ATM: variants seen among roughly 807,000 people sequenced by gnomAD.
ATM encodes ATM serine/threonine kinase.
A neutral mutation model predicts 387.0 loss-of-function variants in ATM; 308 were observed. The observed-to-expected ratio is 0.80, with a 90% CI of 0.73 to 0.87. The LOEUF is 0.87. Ranked by LOEUF, ATM falls within the 40% of genes least tolerant of loss-of-function variation. ATM has a pLI of 0.00. For missense variants in ATM, 3,312 were observed against 3,560.9 expected (o/e 0.93, Z 1.78); for synonymous variants, 1,156 against 1,187.3 (o/e 0.97, Z 0.54).
At chr11:108,327,297 T>G (rs1336771134) in intron 47 of ATM, 2 of 285,084 alleles carry the variant, frequency 7.0e-6, no homozygotes, top group East Asian at 1.8e-4. Flanking sequence ...GTACCTCAGT[T>G]TTCTAATCTG....
Position 108,326,225 on chromosome 11 carries a change from G to C in ATM, c.6975G>C (p.Ala2325=), listed in dbSNP as rs556778314. 3.2e-5 allele frequency: 51 copies of C among 1,613,584 alleles called. No homozygotes were observed. Among genetic ancestry groups the C allele is most frequent in the Non-Finnish European group, 3.6e-5 (42 of 1,179,938 alleles). Residue 2325 remains alanine (A), a splice_region_variant and synonymous_variant, in exon 47 of 63, where the codon GCG becomes GCC. Transcript: ENST00000675843. ...AGAAGTTGGATGCCAGCTGTGCAGC[G>C]GTTTGTTTTTTTTATTGGCTGGATT... The part of the protein sequence containing the change: ...MIKKLDASCA[A]NNPSLKLTYT...
chr11:108,275,103 C>A (rs1263733677), intron 22 of ATM, among the ~76,000 whole-genome samples: 2 of 152,148 alleles, frequency 1.3e-5, no homozygotes, highest in Non-Finnish European at 2.9e-5. Context: ...TTGCATTGAT[C>A]CTTATACCAT....
intron 50 of ATM, 62 bp downstream of exon 50, chr11:108,330,483 G>T: frequency 6.5e-7 from 1 of 1,527,608 alleles, no homozygotes; most frequent in Non-Finnish European, 9.1e-7. Flanking sequence ...TAAGCCCCTT[G>T]ATGTCAGGAA....
Position 108,303,048 on chromosome 11 carries a change from CTGATA to C in ATM, c.5496+21_5496+25del. ...GTGTGAAGTAAGAAGATTAATTAGT[CTGATA>C]TAATTCCTTGTTTATGACCTGTTTA... On this transcript the variant is annotated intron_variant, in intron 36 of 62. Coordinates refer to ENST00000675843, the MANE Select transcript of ATM (RefSeq NM_000051.4). 1 of 1,596,100 alleles carries C rather than the reference CTGATA, an allele frequency of 6.3e-7. No individual in the cohort carries two copies. Among genetic ancestry groups the C allele is most frequent in the Non-Finnish European group, 8.6e-7 (1 of 1,164,376 alleles).
At chr11:108,277,155 G>A (rs541219115) in intron 22 of ATM, among the ~76,000 whole-genome samples, 1 of 152,246 alleles carries the variant, frequency 6.6e-6, no homozygotes, top group Non-Finnish European at 1.5e-5. Flanking sequence ...TACTGGCTGT[G>A]TTTATACTGT....
chr11:108,349,643 G>A (rs1210904507), intron 59 of ATM, among the ~76,000 whole-genome samples: 1 of 152,002 alleles, frequency 6.6e-6, no homozygotes, highest in African/African-American at 2.4e-5. Context: ...AGCCTGGGCG[G>A]CAGAGCAAGA....
At chr11:108,348,262 A>G (rs1005191669) in intron 59 of ATM, among the ~76,000 whole-genome samples, 7 of 151,700 alleles carry the variant, frequency 4.6e-5, no homozygotes, top group Admixed American at 2.6e-4. Context: ...AAGAGAATAT[A>G]TATAGCTAAG....
At chr11:108,272,649 T>G (rs2081649928) in intron 21 of ATM, 42 bp downstream of exon 21, 5 of 1,612,906 alleles carry the variant, frequency 3.1e-6, no homozygotes, top group Non-Finnish European at 4.2e-6. Flanking sequence ...CATTGAAAAT[T>G]TTAAAGCAGT....
At position 108,358,956 on chromosome 11, in the gene ATM, A is replaced by G. The variant is rs550625283; in HGVS notation, c.8850+4082A>G. Among the ~76,000 whole-genome samples, 15 of 152,306 alleles carry G rather than the reference A, an allele frequency of 9.8e-5. No homozygotes were observed. In the South Asian group the frequency reaches 2.9e-3, roughly 29 times the overall value. ...ACTCCCACATAACAAAATTAACTTT[A>G]AATGTATATGGACTAAATGCTCCAA... On this transcript the variant is annotated intron_variant, in intron 61 of 62. Coordinates refer to ENST00000675843, the MANE Select transcript of ATM (RefSeq NM_000051.4).
At chr11:108,326,009 T>G (rs2136328773) in intron 46 of ATM, 49 bp from the exon 47 acceptor site, 3 of 1,581,950 alleles carry the variant, frequency 1.9e-6, no homozygotes, top group Non-Finnish European at 2.6e-6. Flanking sequence ...TTCATGGTAG[T>G]AGTATCAGTA....
rs1220535593 is a variant in ATM, at chr11:108,309,114, A to G, written c.5763-1046A>G. 7 of 1,139,476 alleles carry G rather than the reference A, an allele frequency of 6.1e-6. No individual in the cohort carries two copies. The East Asian group carries it at 1.8e-4, about 29-fold the overall frequency. 70.6% of individuals were successfully genotyped at this position (1,139,476 alleles called of 1,614,324 possible). ...GGGATATAGAAAAACGGGTAAAGAC[A>G]TGCATTCAAGTCCAAGCTTGTGCTG... On this transcript the variant is annotated intron_variant, in intron 38 of 62. Coordinates refer to ENST00000675843, the MANE Select transcript of ATM (RefSeq NM_000051.4).
chr11:108,317,648 T>TACACACACAC (rs1453200885), intron 43 of ATM, 127 bp downstream of exon 43: 1 of 132,978 alleles, frequency 7.5e-6, no homozygotes, highest in African/African-American at 4.2e-5. Flanking sequence ...TATATATATA[T>TACACACACAC]ATATACACAC....
At chr11:108,283,728 C>T (rs576212425) in intron 25 of ATM, among the ~76,000 whole-genome samples, 2 of 152,260 alleles carry the variant, frequency 1.3e-5, no homozygotes, top group South Asian at 4.1e-4. Context: ...ACTCAAGTCA[C>T]CAAGTTGGCC....
chr11:108,334,775 G>A (rs533895895), intron 54 of ATM, among the ~76,000 whole-genome samples, 194 bp from the exon 55 acceptor site: 1 of 152,240 alleles, frequency 6.6e-6, no homozygotes, highest in South Asian at 2.1e-4. Flanking sequence ...ATATATTAGT[G>A]AATCTTTGAT....
chr11:108,325,334 T>G lies in ATM; in HGVS notation c.6597T>G (p.Ser2199=). 2 of 1,609,856 alleles carry G rather than the reference T, an allele frequency of 1.2e-6. No individual in the cohort carries two copies. Among genetic ancestry groups the G allele is most frequent in the East Asian group, 4.5e-5 (2 of 44,642 alleles). The part of the protein sequence containing the change: ...FSRSVTHRQL[S]EVYIKWQKHS... Reference sequence around the variant, plus strand: ...GATCAGTCACACATAGACAACTCTCTGAAGTATATATTAAGTGGCAGAAAC... The same window carrying G: ...GATCAGTCACACATAGACAACTCTCGGAAGTATATATTAAGTGGCAGAAAC... The change falls in exon 46 of 63, where the codon TCT becomes TCG. Residue 2199 remains serine, a synonymous_variant. Transcript: ENST00000675843.
chr11:108,353,942 A>C lies in ATM; in HGVS notation c.8786+62A>C, dbSNP rs2089539870. ...GATGTCAAAATTACATGGGCTGGGC[A>C]TGGTTCTTTGCACCTGTAATCCCAG... is the stretch of plus-strand genomic sequence containing the variant. On this transcript the variant is annotated intron_variant, in intron 60 of 62. Transcript: ENST00000675843. 12 of 1,488,984 alleles carry C rather than the reference A, an allele frequency of 8.1e-6. No individual in the cohort carries two copies. In the South Asian group the frequency reaches 1.4e-4, roughly 17 times the overall value. 92.2% of individuals were successfully genotyped at this position (1,488,984 alleles called of 1,614,324 possible).
chr11:108,350,900 T>G (rs2089122278), intron 59 of ATM, among the ~76,000 whole-genome samples: 1 of 152,190 alleles, frequency 6.6e-6, no homozygotes, highest in African/African-American at 2.4e-5. Context: ...AAAGCTGACT[T>G]TATGTATATC....
Position 108,367,454 on chromosome 11 carries a change from TC to T in ATM, c.*1951del. Reference sequence around the variant, plus strand: ...TAGGTAGAAGTGGAACATTTCTCTGTCCCCCAGCTGTCATCATATAAGATAA... The same window carrying T: ...TAGGTAGAAGTGGAACATTTCTCTGTCCCCAGCTGTCATCATATAAGATAA... On this transcript the variant is annotated 3_prime_UTR_variant, in exon 63 of 63. Coordinates refer to ENST00000675843, the MANE Select transcript of ATM (RefSeq NM_000051.4). 5.0e-6 allele frequency: 1 copy of T among 201,906 alleles called. No individual in the cohort carries two copies. The allele number at this position is 201,906 out of a possible 1,614,324, so 12.5% of individuals were successfully genotyped here.
intron 48 of ATM, among the ~76,000 whole-genome samples, chr11:108,328,439 T>A (rs956578792): frequency 4.6e-5 from 7 of 152,082 alleles, no homozygotes; most frequent in African/African-American, 1.7e-4. Context: ...GTAGAGACGG[T>A]TTCGCCACAT....
Sources: allele counts gnomAD v4.1 joint callset (sites outside exome capture counted in the v4.1 genomes callset), GRCh38; gene constraint gnomAD v4.1.1; transcripts MANE v1.5; gene names NCBI Gene and HGNC (gene_info 2026-07-23, HGNC 2026-07-21).